VPS53: variants seen among roughly 807,000 people sequenced by gnomAD.
VPS53 encodes vacuolar protein sorting-associated protein 53 homolog.
Under a neutral mutation model 107.0 loss-of-function variants are expected in VPS53, and 70 were observed. The ratio of observed to expected loss-of-function variants is 0.65; its 90% CI spans 0.54 to 0.80. The LOEUF (loss-of-function observed/expected upper bound fraction) is 0.80, where lower values mean the gene tolerates loss of function less well. Among genes scored for constraint, VPS53 ranks in the 30% least tolerant of loss-of-function variants. The pLI is 0.00. For synonymous variants in VPS53, 409 were observed against 393.3 expected, an observed-to-expected ratio of 1.04 and a Z score of -0.47; for missense variants, 917 against 1,049.4, an observed-to-expected ratio of 0.87 and a Z score of 1.74.
intron 4 of VPS53, among the ~76,000 whole-genome samples, chr17:664,516 T>A (rs1048053889): frequency 7.2e-5 from 11 of 152,032 alleles, no homozygotes; most frequent in Admixed American, 7.2e-4. Flanking sequence ...CTGGAAATAA[T>A]CTGGAGAGGT....
At chr17:664,708 G>A (rs1182990648) in intron 4 of VPS53, among the ~76,000 whole-genome samples, 2 of 152,182 alleles carry the variant, frequency 1.3e-5, no homozygotes, top group Non-Finnish European at 2.9e-5. Context: ...TGAAAGCTCT[G>A]TGAGAAGTTG....
chr17:663,058 C>T (rs140912735), intron 4 of VPS53, among the ~76,000 whole-genome samples: 2,357 of 151,984 alleles, frequency 0.016, 25 homozygotes, highest in Middle Eastern at 0.031. Flanking sequence ...AAAAAGTTAG[C>T]CAGGCATGGT....
intron 4 of VPS53, among the ~76,000 whole-genome samples, chr17:670,205 CTGGG>C: frequency 1.3e-5 from 2 of 151,434 alleles, no homozygotes; most frequent in South Asian, 4.2e-4. Context: ...CACTGGTGAA[CTGGG>C]CACTGGTGAA....
At chr17:546,329 T>TCACACACACACACACACA (rs71371545) in intron 17 of VPS53, among the ~76,000 whole-genome samples, 4 of 131,866 alleles carry the variant, frequency 3.0e-5, no homozygotes, top group Admixed American at 7.7e-5. Flanking sequence ...CTTAGATATC[T>TCACACACACACACACACA]CACACACACA....
chr17:622,710 A>T (rs1969519615), intron 11 of VPS53, among the ~76,000 whole-genome samples: 1 of 149,784 alleles, frequency 6.7e-6, no homozygotes, highest in Non-Finnish European at 1.5e-5. Flanking sequence ...GAAGAGGTTT[A>T]CTCCTTTCTC....
At chr17:619,933 G>A (rs192469114) in intron 11 of VPS53, among the ~76,000 whole-genome samples, 4 of 145,250 alleles carry the variant, frequency 2.8e-5, no homozygotes, top group South Asian at 2.2e-4. Flanking sequence ...ACCACGCCCC[G>A]CTAGTATTTC....
chr17:546,414 A>T (rs555452127), intron 17 of VPS53, among the ~76,000 whole-genome samples: 6 of 151,836 alleles, frequency 4.0e-5, no homozygotes, highest in Non-Finnish European at 7.4e-5. Context: ...CATTATCAAG[A>T]AAGTGAAAAG....
intron 4 of VPS53, chr17:675,751 G>C (rs1292625682): frequency 6.9e-6 from 1 of 144,830 alleles, no homozygotes; most frequent in Non-Finnish European, 1.5e-5. Context: ...TGGGCGACAG[G>C]GCGAGACTCC....
intron 13 of VPS53, among the ~76,000 whole-genome samples, chr17:565,955 G>A (rs866464264): frequency 4.6e-5 from 7 of 152,184 alleles, no homozygotes; most frequent in African/African-American, 1.4e-4. Context: ...TGTAATCCCA[G>A]CACTTTGGGA....
chr17:586,437 A>T, intron 12 of VPS53, 73 bp from the exon 13 acceptor site: 1 of 1,415,542 alleles, frequency 7.1e-7, no homozygotes, highest in Admixed American at 1.8e-5. Flanking sequence ...TTTTAAAAAC[A>T]TCATTTCAAA....
intron 4 of VPS53, among the ~76,000 whole-genome samples, chr17:683,822 G>A (rs1453086956): frequency 6.6e-6 from 1 of 152,130 alleles, no homozygotes; most frequent in Non-Finnish European, 1.5e-5. Context: ...AACATAGCAA[G>A]ACCCCATCTC....
intron 6 of VPS53, among the ~76,000 whole-genome samples, chr17:654,736 CAAAAAAA>C (rs35308893): frequency 6.4e-4 from 43 of 67,534 alleles, no homozygotes; most frequent in South Asian, 1.3e-3. Flanking sequence ...GACTCCAACT[CAAAAAAA>C]AAAAAAAAAA....
chr17:615,234 G>C (rs1969081972), intron 11 of VPS53, among the ~76,000 whole-genome samples: 1 of 152,228 alleles, frequency 6.6e-6, no homozygotes, highest in Non-Finnish European at 1.5e-5. Context: ...AACAGTTACA[G>C]CACAGGACAT....
At chr17:655,737 T>A (rs1314547455) in intron 6 of VPS53, 101 bp downstream of exon 6, 1 of 1,095,188 alleles carries the variant, frequency 9.1e-7, no homozygotes, top group Non-Finnish European at 1.3e-6. Flanking sequence ...TGGGGCAGGA[T>A]GGTGAGACTT....
chr17:581,904 G>A (rs1032726534), intron 13 of VPS53, among the ~76,000 whole-genome samples: 5 of 149,744 alleles, frequency 3.3e-5, no homozygotes, highest in African/African-American at 1.2e-4. Flanking sequence ...GAACCTCAGT[G>A]CATTCCCAGA....
chr17:613,759 A>G (rs537763726), intron 11 of VPS53, among the ~76,000 whole-genome samples: 1 of 152,042 alleles, frequency 6.6e-6, no homozygotes, highest in South Asian at 2.1e-4. Context: ...GCAGTATTCA[A>G]ATAGTGAATT....
intron 12 of VPS53, among the ~76,000 whole-genome samples, chr17:589,478 A>T (rs1282857492): frequency 6.6e-6 from 1 of 152,182 alleles, no homozygotes; most frequent in Non-Finnish European, 1.5e-5. Flanking sequence ...TACAACTTAC[A>T]AATTGTTCTA....
intron 4 of VPS53, among the ~76,000 whole-genome samples, chr17:672,152 AATCT>A (rs1971981125): frequency 1.3e-4 from 16 of 118,840 alleles, no homozygotes; most frequent in South Asian, 5.5e-4. Context: ...ACACACACAC[AATCT>A]CTCTCTCACA....
intron 4 of VPS53, among the ~76,000 whole-genome samples, chr17:696,856 A>G (rs1972987571): frequency 7.1e-6 from 1 of 140,690 alleles, no homozygotes; most frequent in Non-Finnish European, 1.5e-5. Flanking sequence ...GCAGCGGTGC[A>G]ATCTCGCCTC....
Sources: allele counts gnomAD v4.1 joint callset (sites outside exome capture counted in the v4.1 genomes callset), GRCh38; gene constraint gnomAD v4.1.1; transcripts MANE v1.5; gene names NCBI Gene and HGNC (gene_info 2026-07-23, HGNC 2026-07-21).